Variants in MLLT6 observed in about 807,000 individuals in gnomAD.
The protein encoded by MLLT6 is MLLT6, PHD finger containing.
A neutral mutation model predicts 103.0 loss-of-function variants in MLLT6; 22 were observed. The ratio of observed to expected loss-of-function variants is 0.21; its 90% CI spans 0.15 to 0.31. MLLT6 has a LOEUF of 0.31. MLLT6 is among the 10% of genes least tolerant of loss of function. MLLT6 has a pLI of 1.00. For missense variants in MLLT6, 1,199 were observed against 1,441.7 expected (o/e 0.83, Z 2.73); for synonymous variants, 606 against 623.5 (o/e 0.97, Z 0.42).
intron 18 of MLLT6, among the ~76,000 whole-genome samples, chr17:38,723,435 T>G (rs971691601): frequency 3.3e-5 from 5 of 152,058 alleles, no homozygotes; most frequent in African/African-American, 1.2e-4. Flanking sequence ...GAGGCTGCAG[T>G]GAGCTGAGAT....
chr17:38,707,915 C>G, intron 4 of MLLT6, 43 bp downstream of exon 4: 2 of 1,189,574 alleles, frequency 1.7e-6, no homozygotes, highest in Non-Finnish European at 2.5e-6. Context: ...TCCCTCCCAT[C>G]TATGGGTTCC....
Position 38,717,494 on chromosome 17 carries a change from A to G in MLLT6, c.1714A>G (p.Ser572Gly). 6.2e-7 allele frequency: 1 copy of G among 1,612,956 alleles called. No homozygotes were observed. The highest frequency in any genetic ancestry group is 1.1e-5 in the South Asian group (1 of 91,030). ...HSGGMLRAVC[S>G]TPLSSSLLGP... ...TGGCGGGATGCTGCGGGCTGTCTGC[A>G]GCACCCCTCTCTCCTCCAGCCTCCT... The change falls in exon 11 of 20, where the codon AGC becomes GGC. Residue 572 changes from serine (S) to glycine (G), a missense_variant. Physicochemically the swap from Ser to Gly is moderately conservative, Grantham distance 56. Coordinates refer to ENST00000621332, the MANE Select transcript of MLLT6 (RefSeq NM_005937.4).
chr17:38,720,320 G>GCCCCCCCCCCCC, intron 14 of MLLT6, 52 bp from the exon 15 acceptor site: 4 of 735,416 alleles, frequency 5.4e-6, no homozygotes, highest in Non-Finnish European at 8.9e-6. Context: ...CGGTCCCCTG[G>GCCCCCCCCCCCC]CCCCGCCTCC....
chr17:38,709,438 G>A lies in MLLT6; in HGVS notation c.459-44G>A, dbSNP rs755433400. 1 of 1,556,200 alleles carries A rather than the reference G, an allele frequency of 6.4e-7. No individual in the cohort carries two copies. The highest frequency in any genetic ancestry group is 8.9e-7 in the Non-Finnish European group (1 of 1,127,400). ...GGAGGGTGAGAGGAAGGTGGCTCAT[G>A]TGATCTGTGGCCTCAGCCGTCTCAG... On this transcript the variant is annotated intron_variant, in intron 5 of 19. Coordinates refer to ENST00000621332, the MANE Select transcript of MLLT6 (RefSeq NM_005937.4). This position sits in a 1 kb window ranked among gnomAD's most constrained non-coding sequence, Gnocchi z 4.3.
intron 8 of MLLT6, chr17:38,715,372 C>T: frequency 1.9e-6 from 1 of 518,486 alleles, no homozygotes; most frequent in Non-Finnish European, 3.3e-6. Flanking sequence ...AGGTGAAAGA[C>T]AGACACCTTC....
In MLLT6 at chr17:38,715,665, C is replaced by T. The variant is rs1056874382; in HGVS notation, c.873C>T (p.Thr291=). 3 of 1,614,128 alleles carry T rather than the reference C, an allele frequency of 1.9e-6. No homozygotes were observed. The highest frequency in any genetic ancestry group is 1.7e-4 in the Middle Eastern group (1 of 6,024). The stretch of plus-strand genomic sequence containing the variant: ...ACCACGAGGCCAGCACGCAGGAGAC[C>T]TCTGAGAGCAGCAGGGAGTCAAAGG... ...SSHHEASTQE[T]SESSRESKGK... Residue 291 remains threonine, a synonymous_variant, in exon 9 of 20, where the codon ACC becomes ACT. Coordinates refer to ENST00000621332, the MANE Select transcript of MLLT6 (RefSeq NM_005937.4).
rs781177280 is a variant in MLLT6 at position 38,716,629 on chromosome 17, G to A, written c.1299G>A (p.Thr433=). The A allele has an allele frequency of 8.7e-6, 14 of 1,613,748 alleles. No individual in the cohort carries two copies. In the South Asian group the frequency reaches 8.8e-5, roughly 10 times the overall value. ...GGGACTATAAGTCTCCCCACGTCACGGGGTCTGGGGCCTCGGCAGGCACCC... is the reference window on the plus strand; with the variant it reads ...GGGACTATAAGTCTCCCCACGTCACAGGGTCTGGGGCCTCGGCAGGCACCC... ...SPGDYKSPHV[T]GSGASAGTHK... The change falls in exon 10 of 20, where the codon ACG becomes ACA. Residue 433 remains threonine, a synonymous_variant. Transcript: ENST00000621332. The surrounding 1 kb of genome is among the most constrained non-coding windows in gnomAD (Gnocchi z 5.6).
chr17:38,724,782 G>A lies in MLLT6; in HGVS notation c.3046G>A (p.Ala1016Thr), dbSNP rs1318549839. Residue 1016 changes from alanine (A) to threonine (T), a missense_variant, in exon 19 of 20, where the codon GCG (alanine) becomes ACG (threonine). Transcript: ENST00000621332. This position sits in a 1 kb window ranked among gnomAD's most constrained non-coding sequence, Gnocchi z 5.4. Reference sequence around the variant, plus strand: ...GGGTACCCCTGGCCTGCTGCCCACAGCGTCTGCTCCACCCCTGCTGCCCGC... The same window carrying A: ...GGGTACCCCTGGCCTGCTGCCCACAACGTCTGCTCCACCCCTGCTGCCCGC... Reference protein sequence around the residue: ...SAGTPGLLPTASAPPLLPAGA... With the variant: ...SAGTPGLLPTTSAPPLLPAGA... 1.9e-6 allele frequency: 3 copies of A among 1,607,292 alleles called. No individual in the cohort carries two copies. Among genetic ancestry groups the A allele is most frequent in the Non-Finnish European group, 1.7e-6 (2 of 1,177,360 alleles).
chr17:38,719,391 G>A lies in MLLT6; in HGVS notation c.1943-126G>A, dbSNP rs1905544479. On this transcript the variant is annotated intron_variant, in intron 12 of 19. Coordinates refer to ENST00000621332, the MANE Select transcript of MLLT6 (RefSeq NM_005937.4). ...TCAGCGCTGGCCTTGAACTGCCAGT[G>A]TGGGGTTGGGGATTCCTGGGGAAAG... 3 of 887,978 alleles carry A rather than the reference G, an allele frequency of 3.4e-6. No homozygotes were observed. The Admixed American group carries it at 6.5e-5, about 19-fold the overall frequency. 55.0% of individuals were successfully genotyped at this position (887,978 alleles called of 1,614,324 possible).
chr17:38,709,035 T>C lies in MLLT6; in HGVS notation c.355-138T>C. 5.8e-6 allele frequency: 4 copies of C among 693,936 alleles called. No individual in the cohort carries two copies. The Middle Eastern group carries it at 7.4e-4, about 128-fold the overall frequency. 43.0% of individuals were successfully genotyped at this position (693,936 alleles called of 1,614,324 possible). On this transcript the variant is annotated intron_variant, in intron 4 of 19. Coordinates refer to ENST00000621332, the MANE Select transcript of MLLT6 (RefSeq NM_005937.4). The surrounding 1 kb of genome is among the most constrained non-coding windows in gnomAD (Gnocchi z 4.3). ...TGGACGGCGCAGACCATAGAGCGTT[T>C]TCATCACTGCAGACAGTTCTGTGGG...
Position 38,716,403 on chromosome 17 carries a change from T to G in MLLT6, c.1073T>G (p.Phe358Cys), listed in dbSNP as rs749927403. ...SLQSSPDFSA[F>C]PKLEQPEEDK... ...CAGAGCTCCCCTGACTTCTCTGCAT[T>G]CCCCAAGCTGGAGCAGCCAGAGGAG... The change falls in exon 10 of 20, where the codon TTC becomes TGC. Residue 358 changes from phenylalanine (F) to cysteine (C), a missense_variant. Physicochemically the swap from Phe to Cys is radical, Grantham distance 205. Transcript: ENST00000621332. This position sits in a 1 kb window ranked among gnomAD's most constrained non-coding sequence, Gnocchi z 5.6. The G allele has an allele frequency of 6.2e-7, 1 of 1,613,400 alleles. No individual in the cohort carries two copies. The highest frequency in any genetic ancestry group is 1.1e-5 in the South Asian group (1 of 91,034).
In MLLT6 at chr17:38,717,384, CTG is replaced by C. The variant is rs763459306; in HGVS notation, c.1652-47_1652-46del. The C allele has an allele frequency of 3.4e-6, 5 of 1,468,118 alleles. No individual in the cohort carries two copies. The Admixed American group carries it at 8.8e-5, about 26-fold the overall frequency. 90.9% of individuals were successfully genotyped at this position (1,468,118 alleles called of 1,614,324 possible). A position where few individuals can be genotyped will look rare whatever the true frequency, so the allele number is the denominator to read the frequency against. On this transcript the variant is annotated intron_variant, in intron 10 of 19. Coordinates refer to ENST00000621332, the MANE Select transcript of MLLT6 (RefSeq NM_005937.4). ...GTCAGCCACCTGGCTGAGCAGGAGT[CTG>C]GGGTGGAGAGTAACCACGTGCTTCC...
intron 8 of MLLT6, chr17:38,713,314 C>A: frequency 2.5e-6 from 1 of 404,738 alleles, no homozygotes; most frequent in Non-Finnish European, 4.4e-6. Flanking sequence ...CATGGTATGT[C>A]AGGCCTGTCT....
chr17:38,729,647 C>G lies in MLLT6; in HGVS notation c.*4049C>G. 1 of 230,828 alleles carries G rather than the reference C, an allele frequency of 4.3e-6. No individual in the cohort carries two copies. Among genetic ancestry groups the G allele is most frequent in the Non-Finnish European group, 8.6e-6 (1 of 116,298 alleles). 14.3% of individuals were successfully genotyped at this position (230,828 alleles called of 1,614,324 possible). On this transcript the variant is annotated 3_prime_UTR_variant, in exon 20 of 20. Coordinates refer to ENST00000621332, the MANE Select transcript of MLLT6 (RefSeq NM_005937.4). Reference sequence around the variant, plus strand: ...AACCTTGATATCCTCAGCCCAAAGGCGATGCCCCCCTGCCACCTCCAAGCC... The same window carrying G: ...AACCTTGATATCCTCAGCCCAAAGGGGATGCCCCCCTGCCACCTCCAAGCC...
At chr17:38,707,163 A>C (rs1904965760) in intron 2 of MLLT6, 134 bp downstream of exon 2, 1 of 698,370 alleles carries the variant, frequency 1.4e-6, no homozygotes, top group East Asian at 2.8e-5. Flanking sequence ...TGTTTCCTGC[A>C]CACCTACCTC....
chr17:38,719,361 G>T, intron 12 of MLLT6, 156 bp from the exon 13 acceptor site: 1 of 674,428 alleles, frequency 1.5e-6, no homozygotes. Flanking sequence ...TCCAAGCCAG[G>T]GCCCTCAGCG....
intron 8 of MLLT6, chr17:38,713,102 C>A: frequency 2.7e-6 from 2 of 738,300 alleles, no homozygotes; most frequent in Admixed American, 1.8e-5. Flanking sequence ...GCCTGCTCTC[C>A]AAGTTCTAGG....
chr17:38,722,634 T>TGGGCGGGGGGGGGGGGGGGGGGGGGGGG, intron 17 of MLLT6, 44 bp from the exon 18 acceptor site: 1 of 532,162 alleles, frequency 1.9e-6, no homozygotes, highest in Non-Finnish European at 3.6e-6. Flanking sequence ...CCCTCCCCCA[T>TGGGCGGGGGGGGGGGGGGGGGGGGGGGG]GGTCTGTGTG....
In MLLT6 at chr17:38,716,386, C is replaced by T. The variant is rs751190841; in HGVS notation, c.1056C>T (p.Ser352=). 1.5e-5 allele frequency: 24 copies of T among 1,613,134 alleles called. No homozygotes were observed. The South Asian group carries it at 2.6e-4, about 18-fold the overall frequency. ...GCACAGTCTCGTCCCTGCAGAGCTC[C>T]CCTGACTTCTCTGCATTCCCCAAGC... ...FQPAVSSLQS[S]PDFSAFPKLE... is the part of the protein sequence containing the mutation. The change falls in exon 10 of 20, where the codon TCC becomes TCT. Residue 352 remains serine (S), a synonymous_variant. Transcript: ENST00000621332. This position sits in a 1 kb window ranked among gnomAD's most constrained non-coding sequence, Gnocchi z 5.6.
Sources: allele counts gnomAD v4.1 joint callset (sites outside exome capture counted in the v4.1 genomes callset), GRCh38; gene constraint gnomAD v4.1.1; non-coding constraint Gnocchi (gnomAD v3.1); transcripts MANE v1.5; gene names NCBI Gene and HGNC (gene_info 2026-07-23, HGNC 2026-07-21).